MB21D2: variants seen among roughly 807,000 people sequenced by gnomAD.
MB21D2 encodes the protein Mab-21 domain containing 2.
Under a neutral mutation model 33.3 loss-of-function variants are expected in MB21D2, and 9 were observed. That is an observed-to-expected ratio of 0.27 (90% CI 0.16 to 0.47). The LOEUF is 0.47. Ranked by LOEUF, MB21D2 falls within the 20% of genes least tolerant of loss-of-function variation. MB21D2 has a pLI of 0.99. For missense variants in MB21D2, 540 were observed against 624.6 expected (o/e 0.86, Z 1.44); for synonymous variants, 241 against 236.3 (o/e 1.02, Z -0.18).
chr3:192,801,221 C>T (rs1252147640), intron 1 of MB21D2, among the ~76,000 whole-genome samples: 7 of 152,172 alleles, frequency 4.6e-5, no homozygotes, highest in Non-Finnish European at 1.5e-5. Context: ...CCATAAACAA[C>T]ATATACATTT....
chr3:192,911,545 G>A (rs1714352847), intron 1 of MB21D2, among the ~76,000 whole-genome samples: 1 of 152,096 alleles, frequency 6.6e-6, no homozygotes, highest in South Asian at 2.1e-4. Context: ...GCTTGTTGGG[G>A]GATCTCTAGG....
At chr3:192,802,907 T>G (rs974872329) in intron 1 of MB21D2, among the ~76,000 whole-genome samples, 2 of 152,232 alleles carry the variant, frequency 1.3e-5, no homozygotes, top group East Asian at 3.8e-4. Context: ...GTGATATTGT[T>G]ATTTGAGTAC....
At chr3:192,911,251 T>C (rs1714345909) in intron 1 of MB21D2, among the ~76,000 whole-genome samples, 1 of 152,188 alleles carries the variant, frequency 6.6e-6, no homozygotes, top group Non-Finnish European at 1.5e-5. Context: ...TTTTTTTTTT[T>C]TAACCTCAAA....
At chr3:192,811,268 C>G (rs566601258) in intron 1 of MB21D2, among the ~76,000 whole-genome samples, 1 of 152,356 alleles carries the variant, frequency 6.6e-6, no homozygotes, top group South Asian at 2.1e-4. Flanking sequence ...TTTCTCTCAT[C>G]TGTCTCAATT....
At chr3:192,884,528 G>A (rs546514635) in intron 1 of MB21D2, among the ~76,000 whole-genome samples, 8 of 111,972 alleles carry the variant, frequency 7.1e-5, no homozygotes, top group East Asian at 6.7e-4. Context: ...CACCACGCCC[G>A]GCTAATTTTT....
chr3:192,808,120 G>T (rs35435974), intron 1 of MB21D2, among the ~76,000 whole-genome samples: 1 of 152,120 alleles, frequency 6.6e-6, no homozygotes, highest in African/African-American at 2.4e-5. Flanking sequence ...GCATGCAAAT[G>T]ACATACATCA....
chr3:192,855,623 AAC>A (rs1712899698), intron 1 of MB21D2, among the ~76,000 whole-genome samples: 2 of 152,200 alleles, frequency 1.3e-5, no homozygotes, highest in African/African-American at 2.4e-5. Flanking sequence ...CAGTTTCTAA[AAC>A]ACAGAGTCAA....
At chr3:192,828,935 C>T (rs1044843123) in intron 1 of MB21D2, among the ~76,000 whole-genome samples, 2 of 151,442 alleles carry the variant, frequency 1.3e-5, no homozygotes, top group Admixed American at 1.3e-4. Context: ...AGGCATAAGC[C>T]AACGTGCCCG....
intron 1 of MB21D2, among the ~76,000 whole-genome samples, chr3:192,870,773 G>A (rs9812258): frequency 0.59 from 86,646 of 146,806 alleles, 27,065 homozygotes; most frequent in African/African-American, 0.78. Context: ...TAACAAGTTC[G>A]AGGAGTTTAA....
intron 1 of MB21D2, among the ~76,000 whole-genome samples, chr3:192,876,472 G>T (rs536396126): frequency 6.6e-6 from 1 of 152,300 alleles, no homozygotes; most frequent in Non-Finnish European, 1.5e-5. Context: ...CTGGACTATT[G>T]CAACACTTTC....
intron 1 of MB21D2, among the ~76,000 whole-genome samples, chr3:192,877,453 A>G (rs1560247456): frequency 6.6e-6 from 1 of 152,198 alleles, no homozygotes; most frequent in Non-Finnish European, 1.5e-5. Context: ...GGTCATGCGT[A>G]TCCTTTAACA....
At chr3:192,869,297 G>GGGAGGAGGGGAGGAGC (rs2108636869) in intron 1 of MB21D2, among the ~76,000 whole-genome samples, 1 of 135,092 alleles carries the variant, frequency 7.4e-6, no homozygotes, top group East Asian at 2.4e-4. Context: ...AGGGGAGGAG[G>GGGAGGAGGGGAGGAGC]GGAGGAGGGA....
intron 1 of MB21D2, among the ~76,000 whole-genome samples, chr3:192,878,132 C>G (rs1383875383): frequency 7.6e-6 from 1 of 131,870 alleles, no homozygotes; most frequent in Non-Finnish European, 1.5e-5. Context: ...CGGAGTCTCG[C>G]TCTGTCGCCC....
intron 1 of MB21D2, among the ~76,000 whole-genome samples, chr3:192,905,435 G>A (rs528075115): frequency 1.3e-5 from 2 of 152,030 alleles, no homozygotes; most frequent in East Asian, 1.9e-4. Context: ...TCAGGAGTTC[G>A]AGACCAGCCT....
At chr3:192,809,812 G>C (rs948704465) in intron 1 of MB21D2, among the ~76,000 whole-genome samples, 4 of 152,206 alleles carry the variant, frequency 2.6e-5, no homozygotes, top group Admixed American at 6.5e-5. Flanking sequence ...ACACGTGTGC[G>C]TGTGCATCTG....
chr3:192,889,482 G>C (rs183395383), intron 1 of MB21D2, among the ~76,000 whole-genome samples: 1 of 152,160 alleles, frequency 6.6e-6, no homozygotes, highest in Non-Finnish European at 1.5e-5. Context: ...ACTTGATAGT[G>C]TTATTCTTTT....
At chr3:192,800,324 C>T (rs1252175449) in intron 1 of MB21D2, among the ~76,000 whole-genome samples, 1 of 152,098 alleles carries the variant, frequency 6.6e-6, no homozygotes, top group African/African-American at 2.4e-5. Flanking sequence ...AGCAATTCTC[C>T]TACCTCGGCT....
chr3:192,822,449 A>G (rs1712080625), intron 1 of MB21D2, among the ~76,000 whole-genome samples: 1 of 146,576 alleles, frequency 6.8e-6, no homozygotes, highest in Non-Finnish European at 1.5e-5. Flanking sequence ...TATTCCTCCC[A>G]CCCCTTTTGG....
chr3:192,890,158 T>C (rs1169987246), intron 1 of MB21D2, among the ~76,000 whole-genome samples: 1 of 152,090 alleles, frequency 6.6e-6, no homozygotes, highest in African/African-American at 2.4e-5. Flanking sequence ...CAATAAATAG[T>C]GGAGCATGTC....
Sources: gnomAD v4.1 joint callset for allele counts (sites outside exome capture counted in the v4.1 genomes callset) on GRCh38, gnomAD v4.1.1 for gene constraint, MANE v1.5 for transcripts, NCBI Gene and HGNC (gene_info 2026-07-23, HGNC 2026-07-21) for gene names.